Variants in RAVER2 observed in about 807,000 individuals in gnomAD.
The protein encoded by RAVER2 is ribonucleoprotein, PTB binding 2.
Under a neutral mutation model 78.1 loss-of-function variants are expected in RAVER2, and 46 were observed. The observed-to-expected ratio is 0.59, with a 90% confidence interval of 0.46 to 0.75. The LOEUF is 0.75. RAVER2 is among the 30% of genes least tolerant of loss of function. RAVER2 has a pLI of 0.00. For missense variants in RAVER2, 793 were observed against 837.5 expected (o/e 0.95, Z 0.66); for synonymous variants, 311 against 313.3 (o/e 0.99, Z 0.08).
chr1:64,829,913 T>C (rs901664657), intron 11 of RAVER2, among the ~76,000 whole-genome samples: 3 of 152,192 alleles, frequency 2.0e-5, no homozygotes, highest in African/African-American at 7.2e-5. Context: ...CATGGACCAC[T>C]GAGAACTACT....
intron 1 of RAVER2, among the ~76,000 whole-genome samples, chr1:64,753,090 G>C (rs1319347922): frequency 6.6e-6 from 1 of 152,174 alleles, no homozygotes; most frequent in African/African-American, 2.4e-5. Context: ...TAGTATCCCA[G>C]ATTAACAGGT....
chr1:64,822,180 C>T (rs58884279), intron 11 of RAVER2, among the ~76,000 whole-genome samples: 273 of 152,050 alleles, frequency 1.8e-3, no homozygotes, highest in African/African-American at 6.4e-3. Flanking sequence ...CCCAGCTACT[C>T]GGGAGGCTGA....
intron 2 of RAVER2, among the ~76,000 whole-genome samples, chr1:64,777,113 C>T (rs948084739): frequency 6.6e-6 from 1 of 152,078 alleles, no homozygotes; most frequent in Admixed American, 6.6e-5. Context: ...AAATGGCCTC[C>T]TTTATGCATT....
intron 3 of RAVER2, among the ~76,000 whole-genome samples, chr1:64,779,070 G>A (rs1402216142): frequency 6.6e-6 from 1 of 150,580 alleles, no homozygotes; most frequent in Non-Finnish European, 1.5e-5. Context: ...TATATACATT[G>A]TAGAATGGCT....
chr1:64,828,931 CTT>C (rs1301026638), intron 11 of RAVER2, among the ~76,000 whole-genome samples: 1 of 152,132 alleles, frequency 6.6e-6, no homozygotes, highest in Non-Finnish European at 1.5e-5. Flanking sequence ...ATGTCTGTCT[CTT>C]TTTGAATGTC....
intron 1 of RAVER2, among the ~76,000 whole-genome samples, chr1:64,761,061 T>C (rs962155151): frequency 6.6e-6 from 1 of 152,122 alleles, no homozygotes; most frequent in African/African-American, 2.4e-5. Flanking sequence ...ATTCTTAAGG[T>C]TGTTAGGATT....
At chr1:64,794,270 C>T (rs138374822) in intron 5 of RAVER2, among the ~76,000 whole-genome samples, 7,161 of 151,780 alleles carry the variant, frequency 0.047, 402 homozygotes, top group East Asian at 0.27. Flanking sequence ...TGGTGGTGGG[C>T]GCCTGTAGTC....
intron 1 of RAVER2, among the ~76,000 whole-genome samples, chr1:64,763,350 G>A (rs929321311): frequency 2.6e-5 from 4 of 152,054 alleles, no homozygotes; most frequent in African/African-American, 9.7e-5. Flanking sequence ...GTTAAAAATA[G>A]ATGAAAGATT....
chr1:64,808,439 A>G (rs917165010), intron 9 of RAVER2, among the ~76,000 whole-genome samples: 2 of 149,860 alleles, frequency 1.3e-5, no homozygotes, highest in Non-Finnish European at 3.0e-5. Context: ...TTGTATATTG[A>G]GAAAGCTAAT....
intron 1 of RAVER2, among the ~76,000 whole-genome samples, chr1:64,767,710 G>A (rs1652210564): frequency 6.6e-6 from 1 of 151,772 alleles, no homozygotes; most frequent in Non-Finnish European, 1.5e-5. Context: ...AATTTTTCAG[G>A]GCCACATATT....
intron 9 of RAVER2, among the ~76,000 whole-genome samples, chr1:64,810,474 C>G (rs1653574009): frequency 6.6e-6 from 1 of 152,152 alleles, no homozygotes; most frequent in Non-Finnish European, 1.5e-5. Flanking sequence ...TATAAGAGCA[C>G]TAATCCCACT....
chr1:64,781,339 T>A, intron 3 of RAVER2, 41 bp from the exon 4 acceptor site: 1 of 1,451,184 alleles, frequency 6.9e-7, no homozygotes, highest in East Asian at 2.3e-5. Context: ...TGTTTCTAAG[T>A]AAAGATCGGA....
At chr1:64,762,603 C>A (rs1652052767) in intron 1 of RAVER2, among the ~76,000 whole-genome samples, 1 of 152,064 alleles carries the variant, frequency 6.6e-6, no homozygotes, top group South Asian at 2.1e-4. Flanking sequence ...CAGAAATTAA[C>A]CCACAGAATA....
chr1:64,813,410 T>G (rs1038976040), intron 10 of RAVER2, among the ~76,000 whole-genome samples: 6 of 152,192 alleles, frequency 3.9e-5, no homozygotes, highest in African/African-American at 1.4e-4. Context: ...AATTGAGGGA[T>G]ATCTACATAT....
chr1:64,789,124 A>G (rs545048507), intron 4 of RAVER2, among the ~76,000 whole-genome samples: 67 of 152,324 alleles, frequency 4.4e-4, no homozygotes, highest in African/African-American at 1.6e-3. Flanking sequence ...TATTTGTATG[A>G]TATGATGAGA....
rs1395789635 is a variant in RAVER2 at position 64,745,716 on chromosome 1, C to T, written c.249+295C>T. The stretch of plus-strand genomic sequence containing the variant: ...GGCCCGGTCTTTCCTTCCCCTACGG[C>T]CGTAGAGGAGTAGGAGGTGAAGGAG... On this transcript the variant is annotated intron_variant, in intron 1 of 11. Transcript: ENST00000294428. The surrounding 1 kb of genome is among the most constrained non-coding windows in gnomAD (Gnocchi z 4.3). Among the ~76,000 whole-genome samples, 1 of 151,852 alleles carries T rather than the reference C, an allele frequency of 6.6e-6. No homozygotes were observed. Among genetic ancestry groups the T allele is most frequent in the Non-Finnish European group, 1.5e-5 (1 of 67,970 alleles).
chr1:64,792,788 A>C (rs938705131), intron 5 of RAVER2, among the ~76,000 whole-genome samples: 1 of 152,226 alleles, frequency 6.6e-6, no homozygotes, highest in Non-Finnish European at 1.5e-5. Flanking sequence ...TGTCTTGTTA[A>C]TCAATAAATT....
chr1:64,799,904 T>C (rs1457031205), intron 5 of RAVER2, among the ~76,000 whole-genome samples: 2 of 152,210 alleles, frequency 1.3e-5, no homozygotes, highest in East Asian at 3.8e-4. Flanking sequence ...TTCCGCATCC[T>C]CACTAGCATT....
chr1:64,752,338 A>C (rs1026366364), intron 1 of RAVER2, among the ~76,000 whole-genome samples: 5 of 152,226 alleles, frequency 3.3e-5, no homozygotes, highest in African/African-American at 1.2e-4. Context: ...GTTTCTATCC[A>C]GTGGCTCCCT....
Sources: gnomAD v4.1 joint callset for allele counts (sites outside exome capture counted in the v4.1 genomes callset) on GRCh38, gnomAD v4.1.1 for gene constraint, Gnocchi (gnomAD v3.1) non-coding constraint, MANE v1.5 for transcripts, NCBI Gene and HGNC (gene_info 2026-07-23, HGNC 2026-07-21) for gene names.